The following PCDHA5 variants were observed in gnomAD, a reference collection of about 807,000 sequenced individuals.
PCDHA5 encodes the protein protocadherin alpha 5, also known as protocadherin alpha-5.
Under a neutral mutation model 61.6 loss-of-function variants are expected in PCDHA5, and 43 were observed. The observed-to-expected ratio is 0.70, with a 90% CI of 0.55 to 0.90. PCDHA5 has a LOEUF of 0.90. Ranked by LOEUF, PCDHA5 falls within the 40% of genes least tolerant of loss-of-function variation. The probability of loss-of-function intolerance (pLI) is 0.00; values close to 1 mark genes in which losing one functional copy is unlikely to be tolerated. For synonymous variants in PCDHA5, 627 were observed against 543.9 expected, an observed-to-expected ratio of 1.15 and a Z score of -2.13; for missense variants, 1,298 against 1,222.7, an observed-to-expected ratio of 1.06 and a Z score of -0.92.
intron 1 of PCDHA5, among the ~76,000 whole-genome samples, chr5:140,965,232 G>C (rs192008157): frequency 6.6e-5 from 10 of 152,194 alleles, no homozygotes; most frequent in Non-Finnish European, 1.0e-4. Context: ...GTGAGAACCT[G>C]GGAAGAGTGA....
intron 1 of PCDHA5, chr5:140,927,826 G>T (rs782694866): frequency 2.5e-6 from 4 of 1,614,076 alleles, no homozygotes; most frequent in Middle Eastern, 3.3e-4. Flanking sequence ...ATACATTGAG[G>T]CGAGGGACGA....
intron 3 of PCDHA5, 167 bp from the exon 4 acceptor site, chr5:141,009,460 T>C (rs1375350735): frequency 3.2e-6 from 3 of 950,276 alleles, no homozygotes; most frequent in African/African-American, 1.8e-5. Flanking sequence ...ATTAAACAAA[T>C]AAATAAATAA....
intron 1 of PCDHA5, chr5:140,851,286 C>T (rs956539821): frequency 9.6e-7 from 1 of 1,038,578 alleles, no homozygotes; most frequent in South Asian, 4.4e-5. Context: ...TATAAGAAAC[C>T]CAAGCAAAAA....
In PCDHA5 at chr5:140,927,241, A is replaced by T. The variant is rs781911240; in HGVS notation, c.2353-51708A>T. The stretch of plus-strand genomic sequence containing the variant: ...CAAGATTCGGATTCACGTCCTGGAC[A>T]CCAATGACAACTCACCTCTCTTTCC... On this transcript the variant is annotated intron_variant, in intron 1 of 3. Coordinates refer to ENST00000529859, the MANE Select transcript of PCDHA5 (RefSeq NM_018908.3). 3 of 1,613,966 alleles carry T rather than the reference A, an allele frequency of 1.9e-6. No homozygotes were observed. The Admixed American group carries it at 5.0e-5, about 27-fold the overall frequency.
Position 140,843,003 on chromosome 5 carries a change from A to G in PCDHA5, c.2352+18876A>G, listed in dbSNP as rs2150349772. 1.9e-6 allele frequency: 3 copies of G among 1,594,854 alleles called. No individual in the cohort carries two copies. The African/African-American group carries it at 4.0e-5, about 21-fold the overall frequency. On this transcript the variant is annotated intron_variant, in intron 1 of 3. Coordinates refer to ENST00000529859, the MANE Select transcript of PCDHA5 (RefSeq NM_018908.3). ...GTGTTCGTGCTGGACGAGAATGACAACGCGCCGGCACTGCTGGAGCCTCGG... is the reference window on the plus strand; with the variant it reads ...GTGTTCGTGCTGGACGAGAATGACAGCGCGCCGGCACTGCTGGAGCCTCGG...
At chr5:140,829,581 G>T (rs143213882) in intron 1 of PCDHA5, 38 of 1,612,162 alleles carry the variant, frequency 2.4e-5, no homozygotes, top group African/African-American at 1.6e-4. Flanking sequence ...CTGGTGGAGC[G>T]GCGGGTGGGC....
intron 1 of PCDHA5, among the ~76,000 whole-genome samples, chr5:140,953,290 A>G (rs1554220852): frequency 1.3e-5 from 2 of 152,124 alleles, no homozygotes; most frequent in Admixed American, 6.6e-5. Context: ...TATGTGATTC[A>G]GGGACGGCAG....
At chr5:140,856,540 C>T (rs1554148838) in intron 1 of PCDHA5, 1 of 1,598,278 alleles carries the variant, frequency 6.3e-7, no homozygotes, top group Non-Finnish European at 8.6e-7. Context: ...TTGGAGAGAA[C>T]GCATTGCTTA....
rs142468733 is a variant in PCDHA5 at position 140,884,535 on chromosome 5, C to G, written c.2352+60408C>G. 4,368 of 1,614,034 alleles carry G rather than the reference C, an allele frequency of 2.7e-3. 82 individuals are homozygous for G. The South Asian group carries it at 0.038, about 14-fold the overall frequency. On this transcript the variant is annotated intron_variant, in intron 1 of 3. Coordinates refer to ENST00000529859, the MANE Select transcript of PCDHA5 (RefSeq NM_018908.3). ...TGGTCGTACTCGCAGCAGAGGCGGC[C>G]GAGGGTGTGCTCTGGGGAGGGCCCG...
At chr5:140,858,612 A>G (rs1554151880) in intron 1 of PCDHA5, 2 of 1,223,056 alleles carry the variant, frequency 1.6e-6, no homozygotes, top group Admixed American at 2.7e-5. Flanking sequence ...AAATTTTTTT[A>G]TCCTACCCAG....
chr5:140,989,422 TG>T (rs1554250798), intron 3 of PCDHA5, among the ~76,000 whole-genome samples: 2 of 152,128 alleles, frequency 1.3e-5, no homozygotes, highest in African/African-American at 4.8e-5. Flanking sequence ...CTTCACTCTG[TG>T]GGAAAAATTG....
rs151053430 is a variant in PCDHA5 at position 140,849,630 on chromosome 5, G to T, written c.2352+25503G>T. Reference sequence around the variant, plus strand: ...CCTGATTAGTGTGATCGACCTAGACGCAGATGCCAACGGGCAGGTTACCTG... The same window carrying T: ...CCTGATTAGTGTGATCGACCTAGACTCAGATGCCAACGGGCAGGTTACCTG... On this transcript the variant is annotated intron_variant, in intron 1 of 3. Transcript: ENST00000529859. 6.9e-4 allele frequency: 1,103 copies of T among 1,598,686 alleles called. 107 individuals are homozygous for T. Among genetic ancestry groups the T allele is most frequent in the South Asian group, 1.2e-3 (106 of 90,556 alleles).
chr5:140,825,885 A>T (rs1768750702), intron 1 of PCDHA5: 1 of 152,452 alleles, frequency 6.6e-6, no homozygotes, highest in African/African-American at 2.4e-5. Flanking sequence ...AGAGTTGTTT[A>T]TTAAAGCTGT....
intron 1 of PCDHA5, among the ~76,000 whole-genome samples, chr5:140,951,891 C>T (rs913687305): frequency 1.3e-5 from 2 of 152,110 alleles, no homozygotes; most frequent in Non-Finnish European, 2.9e-5. Context: ...TCTCTTCTGC[C>T]TATGAGCCTG....
intron 3 of PCDHA5, among the ~76,000 whole-genome samples, chr5:140,999,218 C>T (rs1410560466): frequency 6.6e-6 from 1 of 152,180 alleles, no homozygotes; most frequent in Non-Finnish European, 1.5e-5. Context: ...GGAAGTACTA[C>T]ATTTGAGAAT....
chr5:140,856,871 G>T, intron 1 of PCDHA5: 1 of 1,595,048 alleles, frequency 6.3e-7, no homozygotes, highest in Non-Finnish European at 8.6e-7. Flanking sequence ...AATAAACAAG[G>T]AAATGATGTA....
rs151249575 is a variant in PCDHA5, at chr5:140,920,220, T to TTATA, written c.2353-58728_2353-58725dup. 8.8e-3 allele frequency among the ~76,000 whole-genome samples: 1,344 copies of TTATA among 152,322 alleles called. 13 individuals carry two copies. The highest frequency in any genetic ancestry group is 0.031 in the African/African-American group (1,300 of 41,558). On this transcript the variant is annotated intron_variant, in intron 1 of 3. Coordinates refer to ENST00000529859, the MANE Select transcript of PCDHA5 (RefSeq NM_018908.3). ...GCAGCCACAGAAAACCAATGCACAT[T>TTATA]TATAGTATTATATACCCAACAATAC...
intron 1 of PCDHA5, among the ~76,000 whole-genome samples, chr5:140,891,677 TTCTC>T (rs1335607297): frequency 2.6e-5 from 4 of 152,240 alleles, no homozygotes; most frequent in African/African-American, 9.6e-5. Context: ...AGTTTAATAA[TTCTC>T]TCTTCTTGCT....
intron 1 of PCDHA5, among the ~76,000 whole-genome samples, chr5:140,831,643 G>T (rs2150109104): frequency 6.6e-6 from 1 of 151,354 alleles, no homozygotes; most frequent in South Asian, 2.1e-4. Context: ...GATTATAGGT[G>T]TGAGCCACTA....
Sources: allele counts gnomAD v4.1 joint callset (sites outside exome capture counted in the v4.1 genomes callset), GRCh38; gene constraint gnomAD v4.1.1; transcripts MANE v1.5; gene names NCBI Gene and HGNC (gene_info 2026-07-23, HGNC 2026-07-21).